The following CEP43 variants were observed in gnomAD, a reference collection of about 807,000 sequenced individuals.
CEP43 encodes the protein FGFR1 oncogene partner.
Under a neutral mutation model 52.6 loss-of-function variants are expected in CEP43, and 36 were observed. The observed-to-expected ratio is 0.68, with a 90% CI of 0.52 to 0.90. The LOEUF (loss-of-function observed/expected upper bound fraction) is 0.90. Ranked by LOEUF, CEP43 falls within the 40% of genes least tolerant of loss-of-function variation. The pLI is 0.00. For synonymous variants in CEP43, 192 were observed against 172.4 expected (o/e 1.11, Z -0.89); for missense variants, 506 against 472.8 (o/e 1.07, Z -0.65).
Position 167,003,246 on chromosome 6 carries a change from C to T in CEP43, c.210C>T (p.Asp70=), listed in dbSNP as rs146065090. ...ESLKKFLNTK[D]GRLVASLVAE... ...TGAAAAAGTTTTTAAATACCAAAGACGGTAAGATGTTCAGTTTGTTCTTGT... is the reference window on the plus strand; with the variant it reads ...TGAAAAAGTTTTTAAATACCAAAGATGGTAAGATGTTCAGTTTGTTCTTGT... The change falls in exon 3 of 13, where the codon GAC becomes GAT. Residue 70 remains aspartate, a splice_region_variant and synonymous_variant. Transcript: ENST00000366847. 176 of 1,474,766 alleles carry T rather than the reference C, an allele frequency of 1.2e-4. No individual in the cohort carries two copies. Among genetic ancestry groups the T allele is most frequent in the Non-Finnish European group, 1.3e-4 (145 of 1,085,748 alleles). The allele number at this position is 1,474,766 out of a possible 1,614,324, so 91.4% of individuals were successfully genotyped here.
chr6:167,011,583 CA>C (rs1446970030), intron 6 of CEP43: 1 of 152,214 alleles, frequency 6.6e-6, no homozygotes, highest in Non-Finnish European at 1.5e-5. Flanking sequence ...TTGGTAGTCC[CA>C]GGCGGTCTTA....
At chr6:167,035,761 ACTT>A (rs1346835973) in intron 12 of CEP43, among the ~76,000 whole-genome samples, 2 of 151,594 alleles carry the variant, frequency 1.3e-5, no homozygotes, top group Non-Finnish European at 2.9e-5. Flanking sequence ...TAGAGACAGG[ACTT>A]CACCATGTTA....
chr6:167,019,110 C>T (rs1316017070), intron 7 of CEP43, among the ~76,000 whole-genome samples: 2 of 152,170 alleles, frequency 1.3e-5, no homozygotes, highest in Non-Finnish European at 2.9e-5. Context: ...ACTGAATAGC[C>T]AGCATTTTTT....
rs553405821 is a variant in CEP43, at chr6:167,052,293, T to C, written c.*12315T>C. 1 of 152,148 alleles carries C rather than the reference T, an allele frequency of 6.6e-6. No homozygotes were observed. The highest frequency in any genetic ancestry group is 1.5e-5 in the Non-Finnish European group (1 of 68,026). The allele number at this position is 152,148 out of a possible 1,614,324, so 9.4% of individuals were successfully genotyped here. A position where few individuals can be genotyped will look rare whatever the true frequency, so the allele number is the denominator to read the frequency against. ...AAGCCCAAGAATACTATTCTACTTA[T>C]TTATATAATTTTATGTTTTTTAAAG... On this transcript the variant is annotated 3_prime_UTR_variant, in exon 13 of 13. Transcript: ENST00000366847.
At position 167,043,301 on chromosome 6, in the gene CEP43, A is replaced by G. The variant is rs1006746658; in HGVS notation, c.*3323A>G. 12 of 151,166 alleles carry G rather than the reference A, an allele frequency of 7.9e-5. No individual in the cohort carries two copies. The highest frequency in any genetic ancestry group is 2.4e-4 in the African/African-American group (10 of 41,028). 9.4% of individuals were successfully genotyped at this position (151,166 alleles called of 1,614,324 possible). ...GCATTGGGTGGGGAGGATTCCCGCC[A>G]TCAGTTCTCTGTCCATGGGTGCTAG... On this transcript the variant is annotated 3_prime_UTR_variant, in exon 13 of 13. Coordinates refer to ENST00000366847, the MANE Select transcript of CEP43 (RefSeq NM_007045.4).
rs1780787724 is a variant in CEP43 at position 167,045,831 on chromosome 6, T to C, written c.*5853T>C. 1 of 152,218 alleles carries C rather than the reference T, an allele frequency of 6.6e-6. No individual in the cohort carries two copies. Among genetic ancestry groups the C allele is most frequent in the Non-Finnish European group, 1.5e-5 (1 of 68,042 alleles). The allele number at this position is 152,218 out of a possible 1,614,324, so 9.4% of individuals were successfully genotyped here. ...TTAATCATACTTTGTTTGAAATCCT[T>C]TGTGGTTTCTAAAGCACTAGTAGCT... On this transcript the variant is annotated 3_prime_UTR_variant, in exon 13 of 13. Transcript: ENST00000366847.
intron 12 of CEP43, chr6:167,036,514 A>G (rs1780588378): frequency 1.0e-6 from 1 of 985,458 alleles, no homozygotes; most frequent in Non-Finnish European, 1.2e-6. Context: ...CCTAAGGGAC[A>G]GAACATAAGT....
At chr6:167,025,077 A>T (rs921690958) in intron 9 of CEP43, 183 bp downstream of exon 9, 2 of 525,688 alleles carry the variant, frequency 3.8e-6, no homozygotes, top group African/African-American at 3.9e-5. Context: ...GTCCTATTTT[A>T]TATGTTGTTT....
intron 7 of CEP43, among the ~76,000 whole-genome samples, chr6:167,020,582 A>T (rs1009668958): frequency 6.6e-6 from 1 of 152,096 alleles, no homozygotes; most frequent in African/African-American, 2.4e-5. Context: ...TCTTGAGGAA[A>T]CTCATGCCTA....
chr6:167,004,010 AAAGCT>A lies in CEP43; in HGVS notation c.300+200_300+204del. The A allele has an allele frequency of 5.1e-6, 3 of 588,590 alleles. No homozygotes were observed. The South Asian group carries it at 7.3e-5, about 14-fold the overall frequency. 36.5% of individuals were successfully genotyped at this position (588,590 alleles called of 1,614,324 possible). A position where few individuals can be genotyped will look rare whatever the true frequency, so the allele number is the denominator to read the frequency against. On this transcript the variant is annotated intron_variant, in intron 4 of 12. Coordinates refer to ENST00000366847, the MANE Select transcript of CEP43 (RefSeq NM_007045.4). ...CAGTGTTGCTGCTTTGTGTTACTTG[AAAGCT>A]TGCTAATAAAAGTGTTACTATAGAG... is the stretch of plus-strand genomic sequence containing the variant.
At chr6:167,006,903 G>A (rs113636737) in intron 5 of CEP43, among the ~76,000 whole-genome samples, 187 of 152,300 alleles carry the variant, frequency 1.2e-3, no homozygotes, top group Middle Eastern at 3.4e-3. Flanking sequence ...TTCGAATCCT[G>A]TGTGGAAAAA....
intron 2 of CEP43, 115 bp downstream of exon 2, chr6:167,000,228 C>T: frequency 1.3e-6 from 1 of 796,492 alleles, no homozygotes; most frequent in Non-Finnish European, 2.0e-6. Context: ...TAATTTTGAA[C>T]TGTTAAGGAT....
At chr6:167,009,236 C>G (rs1441876682) in intron 5 of CEP43, among the ~76,000 whole-genome samples, 2 of 151,606 alleles carry the variant, frequency 1.3e-5, no homozygotes, top group Non-Finnish European at 2.9e-5. Flanking sequence ...TACCAAAATA[C>G]AAAAAATTGG....
chr6:167,003,436 C>T, intron 3 of CEP43, 189 bp downstream of exon 3: 1 of 504,886 alleles, frequency 2.0e-6, no homozygotes, highest in Non-Finnish European at 3.5e-6. Flanking sequence ...GATGTTGTTG[C>T]TTAAAGCCAG....
In CEP43 at chr6:167,022,508, G is replaced by A; in HGVS notation, c.679G>A (p.Gly227Arg). The change falls in exon 8 of 13, where the codon GGA (glycine) becomes AGA (arginine). Residue 227 changes from glycine to arginine, a missense_variant. Coordinates refer to ENST00000366847, the MANE Select transcript of CEP43 (RefSeq NM_007045.4). ...CTTACTGTCCCATGAAACAAAAATT[G>A]GATCTTTTCTAAGCAACAGAACTTT... Reference protein sequence around the residue: ...LHLLSHETKIGSFLSNRTLDG... With the variant: ...LHLLSHETKIRSFLSNRTLDG... 2 of 1,613,942 alleles carry A rather than the reference G, an allele frequency of 1.2e-6. No individual in the cohort carries two copies. Among genetic ancestry groups the A allele is most frequent in the Non-Finnish European group, 1.7e-6 (2 of 1,179,956 alleles).
At chr6:167,015,921 A>G (rs540683648) in intron 7 of CEP43, among the ~76,000 whole-genome samples, 1 of 152,332 alleles carries the variant, frequency 6.6e-6, no homozygotes, top group Non-Finnish European at 1.5e-5. Flanking sequence ...GTATACAAGG[A>G]GTATAAATAT....
intron 12 of CEP43, among the ~76,000 whole-genome samples, chr6:167,034,727 G>A (rs976672253): frequency 2.6e-5 from 4 of 152,158 alleles, no homozygotes; most frequent in Non-Finnish European, 5.9e-5. Flanking sequence ...CAGCATCCGT[G>A]TTTGCATTCT....
At chr6:167,007,548 T>G (rs1779882847) in intron 5 of CEP43, among the ~76,000 whole-genome samples, 2 of 152,218 alleles carry the variant, frequency 1.3e-5, no homozygotes, top group Non-Finnish European at 2.9e-5. Flanking sequence ...ATATTTAAAA[T>G]AGAGACCTCA....
intron 12 of CEP43, chr6:167,035,956 A>G (rs776486691): frequency 1.6e-6 from 1 of 621,788 alleles, no homozygotes; most frequent in Non-Finnish European, 2.0e-6. Context: ...TGTAAAGCAT[A>G]TAGCTCAGTG....
Sources: allele counts gnomAD v4.1 joint callset (sites outside exome capture counted in the v4.1 genomes callset), GRCh38; gene constraint gnomAD v4.1.1; transcripts MANE v1.5; gene names NCBI Gene and HGNC (gene_info 2026-07-23, HGNC 2026-07-21).